The following GALNT10 variants were observed in gnomAD, a reference collection of about 807,000 sequenced individuals.
The protein encoded by GALNT10 is polypeptide N-acetylgalactosaminyltransferase 10, also known as GalNAc transferase 10.
Under a neutral mutation model 75.0 loss-of-function variants are expected in GALNT10, and 41 were observed. That is an observed-to-expected ratio of 0.55 (90% CI 0.43 to 0.71). The LOEUF (loss-of-function observed/expected upper bound fraction) is 0.71, where lower values mean the gene tolerates loss of function less well. Among genes scored for constraint, GALNT10 ranks in the 30% least tolerant of loss-of-function variants. The probability of loss-of-function intolerance (pLI) is 0.00; values close to 1 mark genes in which losing one functional copy is unlikely to be tolerated. For missense variants in GALNT10, 727 were observed against 818.5 expected, an observed-to-expected ratio of 0.89 and a Z score of 1.36; for synonymous variants, 302 against 313.0, an observed-to-expected ratio of 0.96 and a Z score of 0.37.
At chr5:154,212,195 A>C (rs1205612460) in intron 1 of GALNT10, among the ~76,000 whole-genome samples, 1 of 152,254 alleles carries the variant, frequency 6.6e-6, no homozygotes, top group African/African-American at 2.4e-5. Flanking sequence ...CAGGGTTCTG[A>C]GGAAGCAGAA....
At chr5:154,294,952 T>A in intron 2 of GALNT10, 34 bp downstream of exon 2, 1 of 970,756 alleles carries the variant, frequency 1.0e-6, no homozygotes, top group Non-Finnish European at 1.7e-6. Context: ...GGGTGGGCTC[T>A]GTGAAGGGCA....
chr5:154,363,614 A>T (rs1202789476), intron 4 of GALNT10, among the ~76,000 whole-genome samples: 1 of 151,002 alleles, frequency 6.6e-6, no homozygotes, highest in Non-Finnish European at 1.5e-5. Context: ...TGCATGTGTG[A>T]TATTAACAGG....
At chr5:154,373,712 G>T (rs999339712) in intron 4 of GALNT10, among the ~76,000 whole-genome samples, 1 of 152,164 alleles carries the variant, frequency 6.6e-6, no homozygotes, top group Non-Finnish European at 1.5e-5. Flanking sequence ...GGAAGATGGT[G>T]TGGTAAAATA....
chr5:154,416,450 T>A lies in GALNT10; in HGVS notation c.1654-364T>A, dbSNP rs6580079. Among the ~76,000 whole-genome samples, 60,554 of 143,916 alleles carry A rather than the reference T, an allele frequency of 0.42. 12,784 individuals are homozygous for A. Among genetic ancestry groups the A allele is most frequent in the East Asian group, 0.79 (3,996 of 5,062 alleles). 94.4% of individuals were successfully genotyped at this position (143,916 alleles called of 152,430 possible). On this transcript the variant is annotated intron_variant, in intron 11 of 11. Transcript: ENST00000297107. The surrounding 1 kb of genome is among the most constrained non-coding windows in gnomAD (Gnocchi z 4.5). ...CCTGTCTCAAAAAAATTAAAAAAAT[T>A]AAAAAAATAAAAGATAAAAGGAAAG...
intron 3 of GALNT10, among the ~76,000 whole-genome samples, chr5:154,323,478 T>C (rs1458003328): frequency 6.6e-6 from 1 of 152,054 alleles, no homozygotes; most frequent in Non-Finnish European, 1.5e-5. Flanking sequence ...GGACGGAGTA[T>C]CAGGAGGGAC....
At chr5:154,272,290 G>A (rs112141782) in intron 1 of GALNT10, among the ~76,000 whole-genome samples, 36 of 152,346 alleles carry the variant, frequency 2.4e-4, no homozygotes, top group African/African-American at 8.4e-4. Flanking sequence ...AAATAGGGGA[G>A]TGATCGGTAG....
intron 1 of GALNT10, among the ~76,000 whole-genome samples, chr5:154,265,403 C>A (rs1438002932): frequency 6.6e-6 from 1 of 152,158 alleles, no homozygotes; most frequent in Non-Finnish European, 1.5e-5. Flanking sequence ...TGATTTCACA[C>A]CTCATGGCTA....
intron 1 of GALNT10, among the ~76,000 whole-genome samples, chr5:154,285,263 C>T (rs887080333): frequency 2.0e-5 from 3 of 152,150 alleles, no homozygotes; most frequent in Admixed American, 6.5e-5. Context: ...TGCATGAGCA[C>T]GGGAGGCTCA....
At chr5:154,397,468 C>T (rs988036124) in intron 7 of GALNT10, among the ~76,000 whole-genome samples, 2 of 152,156 alleles carry the variant, frequency 1.3e-5, no homozygotes, top group Non-Finnish European at 1.5e-5. Flanking sequence ...CTCACCACAA[C>T]CCTAAGGAGG....
At chr5:154,225,350 C>T (rs1278756691) in intron 1 of GALNT10, among the ~76,000 whole-genome samples, 3 of 151,928 alleles carry the variant, frequency 2.0e-5, no homozygotes, top group Non-Finnish European at 4.4e-5. Flanking sequence ...CCTCGGCCTC[C>T]CAAAGTGCTG....
chr5:154,261,038 G>A (rs914769449), intron 1 of GALNT10, among the ~76,000 whole-genome samples: 1 of 149,634 alleles, frequency 6.7e-6, no homozygotes, highest in Non-Finnish European at 1.5e-5. Flanking sequence ...AACTGCAAAG[G>A]AGTGTGAAAT....
chr5:154,218,896 G>C (rs1752924633), intron 1 of GALNT10, among the ~76,000 whole-genome samples: 1 of 152,034 alleles, frequency 6.6e-6, no homozygotes, highest in African/African-American at 2.4e-5. Flanking sequence ...CTGAGTCTTT[G>C]TTTATTGAAG....
At chr5:154,252,811 T>G (rs997678510) in intron 1 of GALNT10, among the ~76,000 whole-genome samples, 41 of 152,118 alleles carry the variant, frequency 2.7e-4, no homozygotes, top group Non-Finnish European at 4.9e-4. Context: ...TTTGGTTTTC[T>G]TATTCAGGGG....
chr5:154,375,318 T>A (rs1298443140), intron 4 of GALNT10, among the ~76,000 whole-genome samples: 1 of 152,218 alleles, frequency 6.6e-6, no homozygotes. Context: ...ATATGATGTA[T>A]GCTGTAGGTT....
At chr5:154,203,850 G>A (rs1775064612) in intron 1 of GALNT10, among the ~76,000 whole-genome samples, 1 of 152,184 alleles carries the variant, frequency 6.6e-6, no homozygotes, top group African/African-American at 2.4e-5. Flanking sequence ...TGACCACTGT[G>A]TTTTATGTGG....
intron 1 of GALNT10, among the ~76,000 whole-genome samples, chr5:154,201,627 T>A (rs902838468): frequency 1.3e-5 from 2 of 152,044 alleles, no homozygotes; most frequent in Non-Finnish European, 2.9e-5. Flanking sequence ...GCTCTAGATT[T>A]GTTAGAAATG....
chr5:154,196,516 T>C (rs1774942305), intron 1 of GALNT10, among the ~76,000 whole-genome samples: 1 of 152,178 alleles, frequency 6.6e-6, no homozygotes, highest in Non-Finnish European at 1.5e-5. Flanking sequence ...CTCGGTCTCC[T>C]TTCCTCTGGT....
chr5:154,257,734 T>G (rs993985152), intron 1 of GALNT10, among the ~76,000 whole-genome samples: 16 of 152,046 alleles, frequency 1.1e-4, no homozygotes, highest in African/African-American at 3.9e-4. Context: ...GACTAATATA[T>G]GTACAATATA....
chr5:154,329,396 G>A, intron 3 of GALNT10, 176 bp from the exon 4 acceptor site: 3 of 604,220 alleles, frequency 5.0e-6, no homozygotes, highest in Non-Finnish European at 5.9e-6. Flanking sequence ...ATTGGAGGTA[G>A]GACTTTGGGA....
Sources: gnomAD v4.1 joint callset for allele counts (sites outside exome capture counted in the v4.1 genomes callset) on GRCh38, gnomAD v4.1.1 for gene constraint, Gnocchi (gnomAD v3.1) non-coding constraint, MANE v1.5 for transcripts, NCBI Gene and HGNC (gene_info 2026-07-23, HGNC 2026-07-21) for gene names.